TBCK: variants seen among roughly 807,000 people sequenced by gnomAD.
The protein encoded by TBCK is TBC1 domain containing kinase.
In TBCK, 99 loss-of-function variants were observed where a neutral mutation model predicts 113.4. The observed-to-expected ratio is 0.87, with a 90% CI of 0.74 to 1.03. The LOEUF (loss-of-function observed/expected upper bound fraction) is 1.03, where lower values mean the gene tolerates loss of function less well. Among genes scored for constraint, TBCK ranks in the 50% least tolerant of loss-of-function variants. The pLI is 0.00. For synonymous variants in TBCK, 369 were observed against 370.8 expected (o/e 1.00, Z 0.05); for missense variants, 1,045 against 1,061.3 (o/e 0.98, Z 0.21).
At chr4:106,070,163 A>G (rs1020239398) in intron 25 of TBCK, among the ~76,000 whole-genome samples, 2 of 152,158 alleles carry the variant, frequency 1.3e-5, no homozygotes, top group Non-Finnish European at 2.9e-5. Context: ...CCTGGCCAGA[A>G]CTTCCAACAC....
intron 1 of TBCK, among the ~76,000 whole-genome samples, chr4:106,313,195 T>C (rs1294435127): frequency 2.0e-5 from 3 of 152,192 alleles, no homozygotes; most frequent in Non-Finnish European, 2.9e-5. Context: ...AAACTGATTC[T>C]GCTATCAACA....
In TBCK at chr4:106,106,397, C is replaced by T. The variant is rs754806082; in HGVS notation, c.2411+9806G>A. On this transcript the variant is annotated intron_variant, in intron 24 of 25. Coordinates refer to ENST00000394708, the MANE Select transcript of TBCK (RefSeq NM_001163435.3). ...AGGTTAAAGGCATCTAGAGAGAACT[C>T]GGGCAGGTCACCTACAAAGGGATTC... is the stretch of plus-strand genomic sequence containing the variant. 1.4e-4 allele frequency among the ~76,000 whole-genome samples: 21 copies of T among 152,226 alleles called. No individual in the cohort carries two copies. The South Asian group carries it at 1.9e-3, about 14-fold the overall frequency.
chr4:106,055,071 C>T (rs762731954), intron 25 of TBCK, among the ~76,000 whole-genome samples: 2 of 151,512 alleles, frequency 1.3e-5, no homozygotes, highest in African/African-American at 2.4e-5. Context: ...TAGACAATAT[C>T]CTCACTTCAT....
rs756043722 is a variant in TBCK at position 106,233,008 on chromosome 4, T to G, written c.1569A>C (p.Glu523Asp). Residue 523 changes from glutamate to aspartate, a missense_variant, in exon 17 of 26, where the codon GAA becomes GAC. Physicochemically the swap from Glu to Asp is conservative, Grantham distance 45. Transcript: ENST00000394708. ...ATACACGCCTAAATTTTGCATGACC[T>G]TCTGGTGATGATAACAGTTCATCGT... ...HQYDELLSSP[E>D]GHAKFRRVLK... The G allele has an allele frequency of 6.2e-7, 1 of 1,612,266 alleles. No homozygotes were observed. Among genetic ancestry groups the G allele is most frequent in the South Asian group, 1.1e-5 (1 of 91,026 alleles).
At chr4:106,189,325 AGAGT>A (rs1366046180) in intron 22 of TBCK, among the ~76,000 whole-genome samples, 1 of 150,170 alleles carries the variant, frequency 6.7e-6, no homozygotes, top group African/African-American at 2.5e-5. Context: ...CCTGGGTGAC[AGAGT>A]GAGACTCCAT....
chr4:106,087,376 G>T (rs909235975), intron 25 of TBCK, among the ~76,000 whole-genome samples: 1 of 152,038 alleles, frequency 6.6e-6, no homozygotes, highest in African/African-American at 2.4e-5. Context: ...AGCTAACAAG[G>T]GATGTGAATG....
chr4:106,256,949 C>G (rs1560921025), intron 5 of TBCK, among the ~76,000 whole-genome samples: 1 of 151,914 alleles, frequency 6.6e-6, no homozygotes. Flanking sequence ...AAAAAAAGAA[C>G]TACATACCTG....
chr4:106,150,917 C>G (rs78443889), intron 23 of TBCK, among the ~76,000 whole-genome samples: 8,147 of 151,986 alleles, frequency 0.054, 480 homozygotes, highest in East Asian at 0.28. Flanking sequence ...TTTCTCAGAG[C>G]TTTGAATTAA....
intron 19 of TBCK, among the ~76,000 whole-genome samples, chr4:106,228,252 T>TA (rs1036308692): frequency 1.4e-4 from 21 of 152,004 alleles, no homozygotes; most frequent in African/African-American, 4.8e-4. Flanking sequence ...ATTATATACT[T>TA]ACTTATTTTA....
rs770276308 is a variant in TBCK, at chr4:106,247,146, C to T, written c.924G>A (p.Leu308=). The change falls in exon 10 of 26, where the codon TTG becomes TTA. Residue 308 remains leucine (L), a synonymous_variant. Coordinates refer to ENST00000394708, the MANE Select transcript of TBCK (RefSeq NM_001163435.3). ...DLTLPEDISQ[L]CKDINNDYLA... ...GCTTTAATTTATCATTACCTTTACA[C>T]AACTGACTGATATCCTCAGGCAGAG... 3.7e-6 allele frequency: 6 copies of T among 1,612,172 alleles called. No individual in the cohort carries two copies. The African/African-American group carries it at 6.7e-5, about 18-fold the overall frequency.
At chr4:106,309,275 G>C (rs1273946118) in intron 1 of TBCK, among the ~76,000 whole-genome samples, 2 of 144,980 alleles carry the variant, frequency 1.4e-5, no homozygotes, top group Non-Finnish European at 3.0e-5. Context: ...GTTTGTTACT[G>C]CATCTTCATA....
chr4:106,180,936 A>G (rs1752290543), intron 22 of TBCK, among the ~76,000 whole-genome samples: 2 of 152,168 alleles, frequency 1.3e-5, no homozygotes, highest in African/African-American at 4.8e-5. Flanking sequence ...TTCTAGTTCT[A>G]GATCCTTGAG....
At chr4:106,316,356 C>CA, upstream of TBCK, 1 of 580,320 alleles carries the variant, frequency 1.7e-6, no homozygotes, top group East Asian at 3.0e-5. Context: ...TGCGGGGGGA[C>CA]GGGGGGGGTC....
intron 23 of TBCK, among the ~76,000 whole-genome samples, chr4:106,128,597 A>G (rs979683715): frequency 1.3e-5 from 2 of 152,174 alleles, no homozygotes; most frequent in Non-Finnish European, 2.9e-5. Flanking sequence ...AATTAACCTT[A>G]TATTTAAAGA....
At chr4:106,077,555 C>T (rs995594255) in intron 25 of TBCK, among the ~76,000 whole-genome samples, 40 of 152,048 alleles carry the variant, frequency 2.6e-4, no homozygotes, top group African/African-American at 9.2e-4. Context: ...CAACAACAAT[C>T]GAACAAAGAA....
intron 23 of TBCK, among the ~76,000 whole-genome samples, chr4:106,151,398 C>CT (rs1197110664): frequency 6.6e-6 from 1 of 152,024 alleles, no homozygotes; most frequent in African/African-American, 2.4e-5. Flanking sequence ...TCCTTGTACT[C>CT]TCTATATCCA....
chr4:106,241,033 T>C (rs1760051163), intron 12 of TBCK, among the ~76,000 whole-genome samples: 1 of 152,016 alleles, frequency 6.6e-6, no homozygotes, highest in African/African-American at 2.4e-5. Flanking sequence ...ATTTTGCTAA[T>C]AGATCATATC....
chr4:106,248,802 C>T (rs1761112377), intron 8 of TBCK, 119 bp downstream of exon 8: 1 of 752,726 alleles, frequency 1.3e-6, no homozygotes, highest in Non-Finnish European at 2.1e-6. Flanking sequence ...GTGCCTTTAA[C>T]TTGGACTTCC....
In TBCK at chr4:106,109,938, A is replaced by C. The variant is rs184102930; in HGVS notation, c.2411+6265T>G. Reference sequence around the variant, plus strand: ...AAAGCTTTGGAAAAGCATTTGGCTGAAGGCAGCCAAACCCTCTTATCCGGA... The same window carrying C: ...AAAGCTTTGGAAAAGCATTTGGCTGCAGGCAGCCAAACCCTCTTATCCGGA... On this transcript the variant is annotated intron_variant, in intron 24 of 25. Coordinates refer to ENST00000394708, the MANE Select transcript of TBCK (RefSeq NM_001163435.3). 1.3e-3 allele frequency among the ~76,000 whole-genome samples: 197 copies of C among 152,332 alleles called. 1 individual carries two copies. The highest frequency in any genetic ancestry group is 2.4e-3 in the Non-Finnish European group (164 of 68,028).
Sources: allele counts gnomAD v4.1 joint callset (sites outside exome capture counted in the v4.1 genomes callset), GRCh38; gene constraint gnomAD v4.1.1; transcripts MANE v1.5; gene names NCBI Gene and HGNC (gene_info 2026-07-23, HGNC 2026-07-21).